SUSD6: variants seen among roughly 807,000 people sequenced by gnomAD.
SUSD6 encodes sushi domain containing 6.
Under a neutral mutation model 28.4 loss-of-function variants are expected in SUSD6, and 16 were observed. The ratio of observed to expected loss-of-function variants is 0.56; its 90% CI spans 0.38 to 0.86. The LOEUF is 0.86. Among genes scored for constraint, SUSD6 ranks in the 40% least tolerant of loss-of-function variants. SUSD6 has a pLI of 0.00. For synonymous variants in SUSD6, 147 were observed against 159.6 expected (o/e 0.92, Z 0.59); for missense variants, 341 against 384.2 (o/e 0.89, Z 0.94).
rs953236694 is a variant in SUSD6 at position 69,667,543 on chromosome 14, A to AT, written c.121+8843dup. 9.6e-3 allele frequency among the ~76,000 whole-genome samples: 1,376 copies of AT among 143,138 alleles called. 13 individuals are homozygous for AT. The highest frequency in any genetic ancestry group is 0.031 in the African/African-American group (1,203 of 39,184). 93.9% of individuals were successfully genotyped at this position (143,138 alleles called of 152,430 possible). ...AGACACCCGCCGCCACACCCAGCTAATTTTTTTTTTTTTGTATTTTTAGTA... is the reference window on the plus strand; with the variant it reads ...AGACACCCGCCGCCACACCCAGCTAATTTTTTTTTTTTTTGTATTTTTAGTA... On this transcript the variant is annotated intron_variant, in intron 2 of 5. Transcript: ENST00000342745.
chr14:69,677,065 G>C (rs1885920614), intron 2 of SUSD6, among the ~76,000 whole-genome samples: 1 of 152,184 alleles, frequency 6.6e-6, no homozygotes, highest in Non-Finnish European at 1.5e-5. Context: ...ATGAGAAGAG[G>C]ACTAAGAGTG....
At chr14:69,656,226 A>G (rs1330070509) in intron 1 of SUSD6, among the ~76,000 whole-genome samples, 2 of 138,616 alleles carry the variant, frequency 1.4e-5, no homozygotes, top group Non-Finnish European at 3.1e-5. Context: ...AGGACTCAGC[A>G]TCACCTCCTC....
chr14:69,619,655 C>G (rs557107527), intron 1 of SUSD6, among the ~76,000 whole-genome samples: 1 of 152,036 alleles, frequency 6.6e-6, no homozygotes, highest in Non-Finnish European at 1.5e-5. Context: ...CCTGTAGTCC[C>G]AGCTACTTGG....
intron 1 of SUSD6, 138 bp from the exon 2 acceptor site, chr14:69,658,375 C>G (rs1044337665): frequency 3.6e-6 from 2 of 557,856 alleles, no homozygotes; most frequent in Non-Finnish European, 3.2e-6. Context: ...GTGCTTGCCT[C>G]TCCTGGCAGC....
intron 1 of SUSD6, among the ~76,000 whole-genome samples, chr14:69,621,317 A>G (rs955213671): frequency 2.0e-5 from 3 of 152,202 alleles, no homozygotes; most frequent in African/African-American, 7.2e-5. Flanking sequence ...AAATGGAGTC[A>G]TTTGTAGGGA....
chr14:69,708,963 A>C lies in SUSD6; in HGVS notation c.745A>C (p.Thr249Pro). The change falls in exon 5 of 6, where the codon ACT becomes CCT. Residue 249 changes from threonine to proline, a missense_variant. By Grantham distance (38) the Thr-to-Pro change is conservative. Coordinates refer to ENST00000342745, the MANE Select transcript of SUSD6 (RefSeq NM_014734.4). ...AGCCTGGGGCTCTCGGGCCTCAGAG[A>C]CTGTGATGGTGCATCAGGCAACCAC... Reference protein sequence around the residue: ...CEAWGSRASETVMVHQATTSS... With the variant: ...CEAWGSRASEPVMVHQATTSS... The C allele has an allele frequency of 6.2e-7, 1 of 1,614,144 alleles. No individual in the cohort carries two copies. The highest frequency in any genetic ancestry group is 8.5e-7 in the Non-Finnish European group (1 of 1,180,026).
intron 1 of SUSD6, among the ~76,000 whole-genome samples, chr14:69,648,399 T>C (rs1284571686): frequency 6.6e-6 from 1 of 152,216 alleles, no homozygotes; most frequent in African/African-American, 2.4e-5. Flanking sequence ...TTGAGCTCAG[T>C]TGAGCACCTA....
In SUSD6 at chr14:69,711,737, T is replaced by A. The variant is rs1886466455; in HGVS notation, c.*758T>A. The A allele has an allele frequency of 6.6e-6, 1 of 152,254 alleles. No homozygotes were observed. Among genetic ancestry groups the A allele is most frequent in the Admixed American group, 6.5e-5 (1 of 15,284 alleles). 9.4% of individuals were successfully genotyped at this position (152,254 alleles called of 1,614,324 possible). Reference sequence around the variant, plus strand: ...GAGTTTCCAAGAAGCATCCAGAAGATCCCAAGGGAGAGAAGGAAAATGGCT... The same window carrying A: ...GAGTTTCCAAGAAGCATCCAGAAGAACCCAAGGGAGAGAAGGAAAATGGCT... On this transcript the variant is annotated 3_prime_UTR_variant, in exon 6 of 6. Transcript: ENST00000342745.
At chr14:69,678,587 G>T (rs1258597544) in intron 2 of SUSD6, among the ~76,000 whole-genome samples, 2 of 152,050 alleles carry the variant, frequency 1.3e-5, no homozygotes, top group Non-Finnish European at 2.9e-5. Flanking sequence ...CAGATCGCTT[G>T]AGCCCAGGAG....
chr14:69,673,805 C>T (rs1278896518), intron 2 of SUSD6, among the ~76,000 whole-genome samples: 2 of 152,296 alleles, frequency 1.3e-5, no homozygotes, highest in East Asian at 1.9e-4. Flanking sequence ...TCCTGGGCAT[C>T]GGCCCTAGCA....
chr14:69,649,663 G>A (rs74060252), intron 1 of SUSD6, among the ~76,000 whole-genome samples: 3,318 of 152,236 alleles, frequency 0.022, 130 homozygotes, highest in African/African-American at 0.074. Flanking sequence ...TATTACCTGC[G>A]GAAATGCAGC....
intron 2 of SUSD6, among the ~76,000 whole-genome samples, chr14:69,699,746 A>G (rs1886287220): frequency 1.3e-5 from 2 of 152,126 alleles, no homozygotes; most frequent in African/African-American, 4.8e-5. Flanking sequence ...ACAGCCATGG[A>G]AAATTAGGAT....
At chr14:69,652,906 G>A (rs1885524742) in intron 1 of SUSD6, among the ~76,000 whole-genome samples, 1 of 152,202 alleles carries the variant, frequency 6.6e-6, no homozygotes, top group African/African-American at 2.4e-5. Flanking sequence ...TCAGCCCTCT[G>A]CTGTCTTGGC....
At chr14:69,666,343 A>G (rs1885741687) in intron 2 of SUSD6, among the ~76,000 whole-genome samples, 1 of 152,140 alleles carries the variant, frequency 6.6e-6, no homozygotes, top group South Asian at 2.1e-4. Flanking sequence ...CCCTGTTGGT[A>G]TTTCAGAGCT....
intron 2 of SUSD6, among the ~76,000 whole-genome samples, chr14:69,675,235 A>T (rs1885890138): frequency 6.6e-6 from 1 of 152,132 alleles, no homozygotes. Flanking sequence ...AAAACTGCTT[A>T]GTTCTTGGTG....
intron 1 of SUSD6, chr14:69,617,301 A>G (rs982109702): frequency 3.3e-5 from 5 of 152,180 alleles, no homozygotes; most frequent in Non-Finnish European, 7.3e-5. Flanking sequence ...TCAAGGAGAT[A>G]CCTTTAAAGC....
intron 4 of SUSD6, 51 bp from the exon 5 acceptor site, chr14:69,708,626 C>T (rs755688059): frequency 1.8e-5 from 25 of 1,416,232 alleles, no homozygotes; most frequent in Middle Eastern, 2.2e-4. Flanking sequence ...ATGCCTGTTT[C>T]TCTGTGTGTT....
chr14:69,681,386 C>G (rs1273213207), intron 2 of SUSD6, among the ~76,000 whole-genome samples: 1 of 152,150 alleles, frequency 6.6e-6, no homozygotes. Context: ...CTTTATAAAC[C>G]CTGGACATCT....
rs969189713 is a variant in SUSD6, at chr14:69,714,908, T to C, written c.*3929T>C. On this transcript the variant is annotated 3_prime_UTR_variant, in exon 6 of 6. Coordinates refer to ENST00000342745, the MANE Select transcript of SUSD6 (RefSeq NM_014734.4). ...CACCACTATGGAATCCTTTGCAGAA[T>C]GGTACTCATATAATGGTTTAAAACA... is the stretch of plus-strand genomic sequence containing the variant. The C allele has an allele frequency of 2.6e-5, 4 of 152,222 alleles. No individual in the cohort carries two copies. The highest frequency in any genetic ancestry group is 5.9e-5 in the Non-Finnish European group (4 of 68,044). 9.4% of individuals were successfully genotyped at this position (152,222 alleles called of 1,614,324 possible).
Sources: allele counts gnomAD v4.1 joint callset (sites outside exome capture counted in the v4.1 genomes callset), GRCh38; gene constraint gnomAD v4.1.1; transcripts MANE v1.5; gene names NCBI Gene and HGNC (gene_info 2026-07-23, HGNC 2026-07-21).